NT5C1B: variants seen among roughly 807,000 people sequenced by gnomAD.
NT5C1B encodes the protein 5'-nucleotidase, cytosolic IB, also known as cytosolic 5'-nucleotidase 1B.
NT5C1B carries 44 observed loss-of-function variants against 57.8 expected under a neutral mutation model. The observed-to-expected ratio is 0.76, with a 90% CI of 0.60 to 0.98. The LOEUF (loss-of-function observed/expected upper bound fraction) is 0.98. NT5C1B is among the 50% of genes least tolerant of loss of function. NT5C1B has a pLI of 0.00. For synonymous variants in NT5C1B, 284 were observed against 282.6 expected, an observed-to-expected ratio of 1.00 and a Z score of -0.05; for missense variants, 742 against 719.5, an observed-to-expected ratio of 1.03 and a Z score of -0.36.
Position 18,589,504 on chromosome 2 carries a change from C to T in NT5C1B, c.-36G>A, listed in dbSNP as rs1386463131. The T allele has an allele frequency of 1.2e-6, 2 of 1,613,620 alleles. No individual in the cohort carries two copies. The highest frequency in any genetic ancestry group is 1.7e-6 in the Non-Finnish European group (2 of 1,179,938). Reference sequence around the variant, plus strand: ...GTTGAAATTCTTTTGTTGTTATCCACATTTTTGTCTCCCCAGCTCCATTTC... The same window carrying T: ...GTTGAAATTCTTTTGTTGTTATCCATATTTTTGTCTCCCCAGCTCCATTTC... On this transcript the variant is annotated 5_prime_UTR_variant, in exon 1 of 9. The change creates a new upstream start codon in the 5' untranslated region. Coordinates refer to ENST00000304081, the Ensembl canonical transcript of NT5C1B.
intron 1 of NT5C1B, 130 bp downstream of exon 1, chr2:18,589,309 T>C: frequency 7.8e-7 from 1 of 1,279,896 alleles, no homozygotes; most frequent in South Asian, 1.2e-5. Context: ...CTCCCTTCTC[T>C]TTTCCTCTAC....
chr2:18,576,643 C>T, intron 7 of NT5C1B, 130 bp downstream of exon 7: 1 of 1,448,010 alleles, frequency 6.9e-7, no homozygotes, highest in Non-Finnish European at 9.3e-7. Context: ...TTAAGTGTTG[C>T]CCCATGTGGA....
In NT5C1B at chr2:18,584,940, G is replaced by T. The variant is rs61741495; in HGVS notation, c.297C>A (p.Thr99=). ...GTGAGGAGTCATGCAGGCTTGGGGA[G>T]GTGGATGGAGTCCGGGAGCTCGTGG... The change falls in exon 4 of 9, where the codon ACC becomes ACA. Residue 99 remains threonine, a synonymous_variant. Transcript: ENST00000304081. The surrounding 1 kb of genome is among the most constrained non-coding windows in gnomAD (Gnocchi z 5.8). 6.5e-7 allele frequency: 1 copy of T among 1,539,518 alleles called. No individual in the cohort carries two copies. Among genetic ancestry groups the T allele is most frequent in the Admixed American group, 1.9e-5 (1 of 51,884 alleles).
intron 8 of NT5C1B, among the ~76,000 whole-genome samples, chr2:18,574,937 C>T (rs895822904): frequency 6.6e-6 from 1 of 151,568 alleles, no homozygotes; most frequent in East Asian, 1.9e-4. Context: ...AAAATGTATA[C>T]ATTAAATATG....
intron 2 of NT5C1B, 142 bp from the exon 3 acceptor site, chr2:18,586,533 C>T: frequency 7.9e-7 from 1 of 1,261,420 alleles, no homozygotes; most frequent in Middle Eastern, 2.8e-4. Flanking sequence ...CTTAACTCAA[C>T]CTGAACTCTT....
intron 1 of NT5C1B, 27 bp from the exon 2 acceptor site, chr2:18,587,619 T>C (rs369684089): frequency 5.7e-5 from 91 of 1,599,808 alleles, no homozygotes; most frequent in Non-Finnish European, 7.1e-5. Context: ...AGAATGTTTA[T>C]TAATTTTTAA....
chr2:18,576,767 T>C lies in NT5C1B; in HGVS notation c.1144+6A>G. 6.2e-7 allele frequency: 1 copy of C among 1,613,392 alleles called. No individual in the cohort carries two copies. Among genetic ancestry groups the C allele is most frequent in the African/African-American group, 1.3e-5 (1 of 75,012 alleles). ...ATTAACTAGAGGAATAAAATCAGACTAATACCTTCTTGTATTGCCTCTTGC... is the reference window on the plus strand; with the variant it reads ...ATTAACTAGAGGAATAAAATCAGACCAATACCTTCTTGTATTGCCTCTTGC... On this transcript the variant is annotated splice_donor_region_variant and intron_variant, in intron 7 of 8. Coordinates refer to ENST00000304081, the Ensembl canonical transcript of NT5C1B.
intron 5 of NT5C1B, chr2:18,583,825 G>A: frequency 1.5e-6 from 1 of 658,392 alleles, no homozygotes. Context: ...AGGGAGAGAG[G>A]TTTCTGTTAC....
chr2:18,586,134 G>A, intron 3 of NT5C1B, 120 bp downstream of exon 3: 1 of 1,439,306 alleles, frequency 6.9e-7, no homozygotes, highest in Non-Finnish European at 9.2e-7. Context: ...TCTCCCAAGG[G>A]CTAAATTAGC....
exon 7 of NT5C1B, chr2:18,576,848 C>T: frequency 2.5e-6 from 4 of 1,613,878 alleles, no homozygotes; most frequent in Non-Finnish European, 3.4e-6. Context: ...TTCAAATAGC[C>T]AATGGGGTCT....
At chr2:18,579,736 A>T (rs779494992) in intron 6 of NT5C1B, among the ~76,000 whole-genome samples, 12 of 152,210 alleles carry the variant, frequency 7.9e-5, no homozygotes, top group Non-Finnish European at 1.8e-4. Context: ...CAAAGATTTC[A>T]TGATGAAGAC....
chr2:18,581,383 G>A (rs974540168), intron 6 of NT5C1B, among the ~76,000 whole-genome samples: 2 of 151,968 alleles, frequency 1.3e-5, no homozygotes, highest in Non-Finnish European at 2.9e-5. Flanking sequence ...GTTCAACAAT[G>A]TGACAGTAGT....
At chr2:18,587,059 T>C (rs1182720632) in intron 2 of NT5C1B, 1 of 1,614,092 alleles carries the variant, frequency 6.2e-7, no homozygotes, top group South Asian at 1.1e-5. Flanking sequence ...ATACGTATTG[T>C]GTGGCAGGGG....
intron 8 of NT5C1B, among the ~76,000 whole-genome samples, chr2:18,571,068 C>T (rs1015813612): frequency 6.6e-6 from 1 of 152,116 alleles, no homozygotes; most frequent in African/African-American, 2.4e-5. Flanking sequence ...TAGAAAAGAT[C>T]AATGGATAAC....
chr2:18,584,871 C>G lies in NT5C1B; in HGVS notation c.366G>C (p.Ser122=). ...AGTCCAGCGACCGGGGCAGCTGGGG[C>G]GACGCGGGTGGCTGGAGCGAGGGCT... The change falls in exon 4 of 9, where the codon TCG becomes TCC. Residue 122 remains serine (S), a synonymous_variant. Coordinates refer to ENST00000304081, the Ensembl canonical transcript of NT5C1B. The surrounding 1 kb of genome is among the most constrained non-coding windows in gnomAD (Gnocchi z 5.8). The G allele has an allele frequency of 6.3e-7, 1 of 1,596,856 alleles. No homozygotes were observed. The highest frequency in any genetic ancestry group is 2.2e-5 in the East Asian group (1 of 44,608).
At chr2:18,586,571 C>T (rs1666730274) in intron 2 of NT5C1B, 180 bp from the exon 3 acceptor site, 1 of 973,874 alleles carries the variant, frequency 1.0e-6, no homozygotes, top group Non-Finnish European at 1.5e-6. Context: ...TGGTCTAGTC[C>T]TCACTTCTGT....
chr2:18,587,056 T>C, intron 2 of NT5C1B: 1 of 1,614,160 alleles, frequency 6.2e-7, no homozygotes, highest in Non-Finnish European at 8.5e-7. Flanking sequence ...TAAATACGTA[T>C]TGTGTGGCAG....
intron 8 of NT5C1B, 41 bp from the exon 9 acceptor site, chr2:18,564,160 CAAAG>C (rs758526904): frequency 1.3e-6 from 2 of 1,503,858 alleles, no homozygotes; most frequent in Non-Finnish European, 1.8e-6. Context: ...TACAGTGAGC[CAAAG>C]AAAGTGAATG....
In NT5C1B at chr2:18,584,005, A is replaced by G; in HGVS notation, c.891+83T>C. 6.2e-7 allele frequency: 1 copy of G among 1,611,392 alleles called. No individual in the cohort carries two copies. On this transcript the variant is annotated intron_variant, in intron 5 of 8. Coordinates refer to ENST00000304081, the Ensembl canonical transcript of NT5C1B. The surrounding 1 kb of genome is among the most constrained non-coding windows in gnomAD (Gnocchi z 5.8). ...GGGTGGGCTAGGAATGATCTGGGAA[A>G]TTGGATGCCCTCCCAAGGGTTGGCC...
Sources: gnomAD v4.1 joint callset for allele counts (sites outside exome capture counted in the v4.1 genomes callset) on GRCh38, gnomAD v4.1.1 for gene constraint, Gnocchi (gnomAD v3.1) non-coding constraint, MANE v1.5 for transcripts, NCBI Gene and HGNC (gene_info 2026-07-23, HGNC 2026-07-21) for gene names.